The following NOS1AP variants were observed in gnomAD, a reference collection of about 807,000 sequenced individuals.
NOS1AP encodes the protein nitric oxide synthase 1 adaptor protein.
Under a neutral mutation model 56.2 loss-of-function variants are expected in NOS1AP, and 21 were observed. The ratio of observed to expected loss-of-function variants is 0.37; its 90% CI spans 0.26 to 0.54. NOS1AP has a LOEUF of 0.54. NOS1AP is among the 20% of genes least tolerant of loss of function. The pLI is 0.84. For missense variants in NOS1AP, 522 were observed against 657.8 expected, an observed-to-expected ratio of 0.79 and a Z score of 2.26; for synonymous variants, 270 against 274.6, an observed-to-expected ratio of 0.98 and a Z score of 0.17.
intron 1 of NOS1AP, among the ~76,000 whole-genome samples, chr1:162,121,805 G>A (rs2102052903): frequency 6.6e-6 from 1 of 152,326 alleles, no homozygotes; most frequent in South Asian, 2.1e-4. Flanking sequence ...TCAGGAAGTA[G>A]AACCCTCACC....
At chr1:162,331,078 G>A (rs1656752414) in intron 4 of NOS1AP, among the ~76,000 whole-genome samples, 1 of 152,164 alleles carries the variant, frequency 6.6e-6, no homozygotes, top group African/African-American at 2.4e-5. Context: ...GTCCAGGAAG[G>A]TTGGCTGAAT....
intron 6 of NOS1AP, among the ~76,000 whole-genome samples, chr1:162,345,232 T>C (rs1034004608): frequency 6.6e-6 from 1 of 151,854 alleles, no homozygotes; most frequent in Non-Finnish European, 1.5e-5. Flanking sequence ...TGTATACATG[T>C]GCCGTGCTGG....
chr1:162,101,714 A>AAT (rs1647279586), intron 1 of NOS1AP, among the ~76,000 whole-genome samples: 1 of 151,940 alleles, frequency 6.6e-6, no homozygotes, highest in African/African-American at 2.4e-5. Context: ...TGTGAATGGG[A>AAT]GTTCATTCAT....
At chr1:162,256,648 CT>C (rs1223914977) in intron 2 of NOS1AP, among the ~76,000 whole-genome samples, 2 of 152,202 alleles carry the variant, frequency 1.3e-5, no homozygotes, top group Non-Finnish European at 2.9e-5. Context: ...TTAATTCCCC[CT>C]CTCATAGATA....
At chr1:162,183,215 A>G (rs983777834) in intron 2 of NOS1AP, among the ~76,000 whole-genome samples, 10 of 152,218 alleles carry the variant, frequency 6.6e-5, no homozygotes, top group Admixed American at 2.0e-4. Context: ...TGCATTGTTA[A>G]TGACAGTAAT....
chr1:162,237,955 G>T (rs1313486093), intron 2 of NOS1AP, among the ~76,000 whole-genome samples: 1 of 152,120 alleles, frequency 6.6e-6, no homozygotes, highest in African/African-American at 2.4e-5. Context: ...AAGCACTTTG[G>T]GGTGTGGCCA....
At chr1:162,199,595 CGTGTGTGTGT>C (rs58625856) in intron 2 of NOS1AP, among the ~76,000 whole-genome samples, 5,905 of 131,640 alleles carry the variant, frequency 0.045, 157 homozygotes, top group Middle Eastern at 0.09. Flanking sequence ...GCATGGATTG[CGTGTGTGTGT>C]GTGTGTGTGT....
intron 2 of NOS1AP, among the ~76,000 whole-genome samples, chr1:162,195,485 A>G (rs747623345): frequency 1.4e-4 from 21 of 152,224 alleles, no homozygotes; most frequent in Non-Finnish European, 2.9e-4. Flanking sequence ...TGACAGGCTC[A>G]GTATTTATGC....
At chr1:162,172,360 G>T (rs561924075) in intron 2 of NOS1AP, among the ~76,000 whole-genome samples, 6 of 152,290 alleles carry the variant, frequency 3.9e-5, no homozygotes, top group Admixed American at 3.3e-4. Flanking sequence ...TTGAGAAATG[G>T]CAGTCACAGA....
chr1:162,250,556 G>A (rs1007633544), intron 2 of NOS1AP, among the ~76,000 whole-genome samples: 5 of 5,794 alleles, frequency 8.6e-4, no homozygotes, highest in African/African-American at 9.3e-4. Context: ...AGAGGAGTGG[G>A]AAAGCCCCCC....
At chr1:162,224,368 T>C (rs1317421209) in intron 2 of NOS1AP, among the ~76,000 whole-genome samples, 2 of 152,226 alleles carry the variant, frequency 1.3e-5, no homozygotes, top group African/African-American at 4.8e-5. Flanking sequence ...CTCCATTTGG[T>C]AATGAACTTT....
rs1571186943 is a variant in NOS1AP at position 162,281,208 on chromosome 1, A to G, written c.178-6136A>G. ...GCTGTGGACCATGGACCATATAAGG[A>G]AGATTAGTTCTTAAAGTCCTTGCAC... On this transcript the variant is annotated intron_variant, in intron 2 of 9. Transcript: ENST00000361897. 2.0e-5 allele frequency among the ~76,000 whole-genome samples: 3 copies of G among 152,200 alleles called. No individual in the cohort carries two copies. In the South Asian group the frequency reaches 6.2e-4, roughly 32 times the overall value.
At chr1:162,225,217 G>C (rs1056855891) in intron 2 of NOS1AP, among the ~76,000 whole-genome samples, 1 of 152,180 alleles carries the variant, frequency 6.6e-6, no homozygotes, top group African/African-American at 2.4e-5. Context: ...ACTTATTCAC[G>C]AGTTTTGGGT....
intron 2 of NOS1AP, among the ~76,000 whole-genome samples, chr1:162,208,613 A>G (rs1391353604): frequency 6.6e-6 from 1 of 152,122 alleles, no homozygotes; most frequent in Non-Finnish European, 1.5e-5. Context: ...CATTATATGG[A>G]TATATGAAAT....
intron 2 of NOS1AP, among the ~76,000 whole-genome samples, chr1:162,195,251 T>G (rs1651768379): frequency 6.6e-6 from 1 of 152,182 alleles, no homozygotes; most frequent in South Asian, 2.1e-4. Flanking sequence ...TTATTAATAT[T>G]AATACCAAAT....
chr1:162,337,035 G>A (rs1162013399), intron 5 of NOS1AP, among the ~76,000 whole-genome samples: 1 of 152,186 alleles, frequency 6.6e-6, no homozygotes, highest in Non-Finnish European at 1.5e-5. Flanking sequence ...CATTTGCAGG[G>A]CCTTTTGCCT....
intron 2 of NOS1AP, among the ~76,000 whole-genome samples, chr1:162,224,019 G>C (rs901684903): frequency 6.6e-6 from 1 of 152,140 alleles, no homozygotes; most frequent in Non-Finnish European, 1.5e-5. Context: ...AGTTCACTTT[G>C]GGAAGTTTAT....
chr1:162,079,625 G>C (rs763574336), intron 1 of NOS1AP, among the ~76,000 whole-genome samples: 3 of 152,160 alleles, frequency 2.0e-5, no homozygotes, highest in Non-Finnish European at 4.4e-5. Flanking sequence ...ATACTTCGTA[G>C]GGTTAATGGG....
chr1:162,103,557 G>C (rs926698341), intron 1 of NOS1AP, among the ~76,000 whole-genome samples: 1 of 152,160 alleles, frequency 6.6e-6, no homozygotes, highest in Non-Finnish European at 1.5e-5. Context: ...CGACTACTCT[G>C]TGGGAGTCTA....
Sources: gnomAD v4.1 joint callset for allele counts (sites outside exome capture counted in the v4.1 genomes callset) on GRCh38, gnomAD v4.1.1 for gene constraint, MANE v1.5 for transcripts, NCBI Gene and HGNC (gene_info 2026-07-23, HGNC 2026-07-21) for gene names.